SPTBN1: variants seen among roughly 807,000 people sequenced by gnomAD.
SPTBN1 encodes the protein spectrin beta chain, non-erythrocytic 1.
A neutral mutation model predicts 266.4 loss-of-function variants in SPTBN1; 32 were observed. The ratio of observed to expected loss-of-function variants is 0.12; its 90% CI spans 0.09 to 0.16. The LOEUF is 0.16. Ranked by LOEUF, SPTBN1 falls within the 10% of genes least tolerant of loss-of-function variation. The pLI, the probability that SPTBN1 is intolerant of heterozygous loss-of-function variation, is 1.00. For missense variants in SPTBN1, 2,296 were observed against 3,067.1 expected (o/e 0.75, Z 5.94); for synonymous variants, 1,336 against 1,162.2 (o/e 1.15, Z -3.04).
intron 1 of SPTBN1, among the ~76,000 whole-genome samples, chr2:54,501,851 T>C (rs1364450120): frequency 6.6e-6 from 1 of 152,128 alleles, no homozygotes; most frequent in Non-Finnish European, 1.5e-5. Context: ...AAGTGGGAGC[T>C]AGAATATGGA....
At chr2:54,492,350 T>TTG (rs1668735440) in intron 1 of SPTBN1, among the ~76,000 whole-genome samples, 1 of 138,552 alleles carries the variant, frequency 7.2e-6, no homozygotes, top group South Asian at 2.2e-4. Flanking sequence ...TGTTTTTTTG[T>TTG]TTTTTTTTTT....
intron 2 of SPTBN1, among the ~76,000 whole-genome samples, chr2:54,581,580 T>TTC (rs1390439370): frequency 1.8e-4 from 18 of 99,400 alleles, no homozygotes; most frequent in Non-Finnish European, 3.8e-4. Context: ...CTTTGCCCTT[T>TTC]TTTTTTTTTT....
chr2:54,605,711 G>T (rs1676789179), intron 3 of SPTBN1, among the ~76,000 whole-genome samples: 1 of 152,244 alleles, frequency 6.6e-6, no homozygotes, highest in South Asian at 2.1e-4. Context: ...CTCTGAAGCA[G>T]ATAGAACACA....
In SPTBN1 at chr2:54,606,905, A is replaced by G. The variant is rs551827033; in HGVS notation, c.301-5256A>G. 2.6e-5 allele frequency among the ~76,000 whole-genome samples: 4 copies of G among 152,370 alleles called. No homozygotes were observed. In the South Asian group the frequency reaches 6.2e-4, roughly 24 times the overall value. ...ACAGCACTTGCAGAATCAGAGTTAC[A>G]GAATTTTAGATTAAGCCCACCCGTA... On this transcript the variant is annotated intron_variant, in intron 3 of 35. Coordinates refer to ENST00000356805, the MANE Select transcript of SPTBN1 (RefSeq NM_003128.3).
At chr2:54,532,628 T>A (rs926899570) in intron 2 of SPTBN1, among the ~76,000 whole-genome samples, 10 of 152,282 alleles carry the variant, frequency 6.6e-5, no homozygotes, top group Middle Eastern at 6.8e-3. Flanking sequence ...AGTGAAGTAG[T>A]TTTTATGTTT....
chr2:54,572,761 G>C (rs56196255), intron 2 of SPTBN1, among the ~76,000 whole-genome samples: 1 of 152,022 alleles, frequency 6.6e-6, no homozygotes. Context: ...AGTCATACTC[G>C]TTCAGCAGTG....
At chr2:54,643,199 A>G in intron 19 of SPTBN1, 70 bp downstream of exon 19, 2 of 1,588,684 alleles carry the variant, frequency 1.3e-6, no homozygotes, top group South Asian at 2.3e-5. Flanking sequence ...CTTTTTATTT[A>G]GCACATTTTC....
Position 54,533,349 on chromosome 2 carries a change from A to T in SPTBN1, c.148+6783A>T, listed in dbSNP as rs902409519. 7.0e-6 allele frequency among the ~76,000 whole-genome samples: 1 copy of T among 141,884 alleles called. No homozygotes were observed. Among genetic ancestry groups the T allele is most frequent in the Non-Finnish European group, 1.5e-5 (1 of 65,494 alleles). 93.1% of individuals were successfully genotyped at this position (141,884 alleles called of 152,430 possible). A position where few individuals can be genotyped will look rare whatever the true frequency, so the allele number is the denominator to read the frequency against. ...AGTGAAACCCAGGCTAAAGGGGACT[A>T]GTGTGTGTGTGTGTGTGTGTGTGTG... is the stretch of plus-strand genomic sequence containing the variant. On this transcript the variant is annotated intron_variant, in intron 2 of 35. Transcript: ENST00000356805. The surrounding 1 kb of genome is among the most constrained non-coding windows in gnomAD (Gnocchi z 4.2).
intron 1 of SPTBN1, among the ~76,000 whole-genome samples, chr2:54,510,521 A>G (rs528152864): frequency 2.6e-5 from 4 of 152,338 alleles, no homozygotes; most frequent in South Asian, 2.1e-4. Context: ...TTCCCTCTAA[A>G]TGTTCCAAAT....
intron 29 of SPTBN1, 75 bp downstream of exon 29, chr2:54,656,073 T>C (rs1436603717): frequency 2.4e-6 from 3 of 1,265,820 alleles, no homozygotes; most frequent in African/African-American, 1.5e-5. Context: ...TTGCTTTAAT[T>C]CATTAATGTT....
chr2:54,549,289 C>CAAAAA (rs35199228), intron 2 of SPTBN1, among the ~76,000 whole-genome samples: 1 of 108,778 alleles, frequency 9.2e-6, no homozygotes, highest in African/African-American at 3.5e-5. Flanking sequence ...AACTCTGTCT[C>CAAAAA]AAAAAAAAAA....
chr2:54,473,873 C>A (rs750521406), intron 1 of SPTBN1, among the ~76,000 whole-genome samples: 3 of 152,190 alleles, frequency 2.0e-5, no homozygotes, highest in Non-Finnish European at 2.9e-5. Context: ...TGTACTGGCA[C>A]AAGCTTATAG....
At chr2:54,513,783 G>A (rs2104236615) in intron 1 of SPTBN1, among the ~76,000 whole-genome samples, 1 of 152,270 alleles carries the variant, frequency 6.6e-6, no homozygotes. Context: ...AACAAGGATG[G>A]CCTTGAACTG....
At chr2:54,630,143 A>G in intron 15 of SPTBN1, 114 bp downstream of exon 15, 5 of 1,361,976 alleles carry the variant, frequency 3.7e-6, no homozygotes, top group Non-Finnish European at 5.0e-6. Context: ...CGACATTGCA[A>G]CACTGATGTC....
In SPTBN1 at chr2:54,522,398, A is replaced by G. The variant is rs993904705; in HGVS notation, c.-47-3974A>G. 1.2e-4 allele frequency among the ~76,000 whole-genome samples: 19 copies of G among 152,170 alleles called. No individual in the cohort carries two copies. The East Asian group carries it at 3.7e-3, about 29-fold the overall frequency. ...GTAATCCCAGGACTTTGTGAGGCCA[A>G]AGCAAGCAGATTACCCGAGTTCAGG... On this transcript the variant is annotated intron_variant, in intron 1 of 35. Transcript: ENST00000356805.
chr2:54,607,791 ATTTTTC>A (rs1676947043), intron 3 of SPTBN1, among the ~76,000 whole-genome samples: 1 of 152,088 alleles, frequency 6.6e-6, no homozygotes, highest in Admixed American at 6.5e-5. Context: ...TGAAAATAAA[ATTTTTC>A]TACTTGTGGT....
chr2:54,456,992 G>A (rs142255562), intron 1 of SPTBN1, among the ~76,000 whole-genome samples: 6,078 of 151,280 alleles, frequency 0.04, 422 homozygotes, highest in African/African-American at 0.14. Context: ...CCCGCGGGTG[G>A]GGAGCGGGGG....
chr2:54,600,647 A>G (rs1254662671), intron 3 of SPTBN1, among the ~76,000 whole-genome samples: 1 of 150,916 alleles, frequency 6.6e-6, no homozygotes, highest in Non-Finnish European at 1.5e-5. Flanking sequence ...TTATAACCAG[A>G]CTTCCTTTGT....
intron 2 of SPTBN1, among the ~76,000 whole-genome samples, chr2:54,542,514 G>A (rs1352259081): frequency 6.6e-6 from 1 of 152,232 alleles, no homozygotes; most frequent in East Asian, 1.9e-4. Flanking sequence ...TACGCTAGAA[G>A]CAGCAGAGGA....
Sources: gnomAD v4.1 joint callset for allele counts (sites outside exome capture counted in the v4.1 genomes callset) on GRCh38, gnomAD v4.1.1 for gene constraint, Gnocchi (gnomAD v3.1) non-coding constraint, MANE v1.5 for transcripts, NCBI Gene and HGNC (gene_info 2026-07-23, HGNC 2026-07-21) for gene names.